The following SSX5 variants were observed in gnomAD, a reference collection of about 807,000 sequenced individuals.
SSX5 encodes protein SSX5.
SSX5 carries 14 observed loss-of-function variants against 14.9 expected under a neutral mutation model. The observed-to-expected ratio is 0.94, with a 90% CI of 0.62 to 1.47. The LOEUF is 1.47. Among genes scored for constraint, SSX5 ranks in the 40% most tolerant of loss-of-function variants. The pLI, the probability that SSX5 is intolerant of heterozygous loss-of-function variation, is 0.00. For synonymous variants in SSX5, 70 were observed against 55.4 expected (o/e 1.26, Z -1.17); for missense variants, 204 against 154.6 (o/e 1.32, Z -1.70).
chrX:48,191,195 G>A (rs141334456), intron 5 of SSX5, among the ~76,000 whole-genome samples: 3 of 111,147 alleles, frequency 2.7e-5, no homozygotes, highest in Non-Finnish European at 5.7e-5. Context: ...GAGCCACCAC[G>A]CCCAGTCCTT....
At chrX:48,188,886 A>C (rs782241384) in intron 6 of SSX5, among the ~76,000 whole-genome samples, 7 of 112,552 alleles carry the variant, frequency 6.2e-5, no homozygotes, top group South Asian at 3.7e-4. Flanking sequence ...AGTGAACACA[A>C]GAATAAGAAA....
chrX:48,190,345 A>G, intron 5 of SSX5, 77 bp from the exon 6 acceptor site: 2 of 1,073,718 alleles, frequency 1.9e-6, no homozygotes, highest in Non-Finnish European at 2.5e-6. Context: ...AAGAATCTTC[A>G]CATGCATTAC....
At chrX:48,190,300 A>G (rs1439282727) in intron 5 of SSX5, 32 bp from the exon 6 acceptor site, 2 of 1,163,842 alleles carry the variant, frequency 1.7e-6, no homozygotes, top group African/African-American at 3.6e-5. Context: ...GATAAACAGT[A>G]TCAGTGACAT....
In SSX5 at chrX:48,186,515, A is replaced by G. The variant is rs781972255; in HGVS notation, c.*346T>C. The G allele has an allele frequency of 1.0e-4, 38 of 381,587 alleles. No homozygotes were observed. Among genetic ancestry groups the G allele is most frequent in the East Asian group, 1.8e-4 (4 of 22,106 alleles). The allele number at this position is 381,587 out of a possible 1,213,427, so 31.4% of individuals were successfully genotyped here. On this transcript the variant is annotated 3_prime_UTR_variant, in exon 8 of 8. Transcript: ENST00000347757. The stretch of plus-strand genomic sequence containing the variant: ...ACTGCCCTCAGTGGTCACATCTGGG[A>G]AGAGAGGAGGGTAGTGTTGTTCTAT...
intron 6 of SSX5, among the ~76,000 whole-genome samples, chrX:48,188,906 C>T (rs2059409017): frequency 8.9e-6 from 1 of 112,219 alleles, no homozygotes; most frequent in Non-Finnish European, 1.9e-5. Context: ...AGCAAAACTG[C>T]CTTACTGCTT....
intron 5 of SSX5, 56 bp from the exon 6 acceptor site, chrX:48,190,324 T>G (rs2059415210): frequency 1.8e-6 from 2 of 1,118,598 alleles, no homozygotes; most frequent in Non-Finnish European, 2.4e-6. Context: ...TTTAGTGCTT[T>G]AGAGCTTACA....
chrX:48,189,387 T>C (rs183187250), intron 6 of SSX5, among the ~76,000 whole-genome samples: 1 of 42,124 alleles, frequency 2.4e-5, no homozygotes, highest in Non-Finnish European at 5.3e-5. Flanking sequence ...CTAATCGATG[T>C]GGCAAATTTC....
rs112762672 is a variant in SSX5, at chrX:48,187,965, G to A, written c.467-234C>T. Among the ~76,000 whole-genome samples, 981 of 112,070 alleles carry A rather than the reference G, an allele frequency of 8.8e-3. 13 individuals are homozygous for A. The highest frequency in any genetic ancestry group is 0.029 in the African/African-American group (898 of 30,820). ...AAAGTTTTAGCTTCTGGCTCCTTCC[G>A]TTGTCAGGTTTAGATTCCCAACCTC... On this transcript the variant is annotated intron_variant, in intron 6 of 7. Coordinates refer to ENST00000347757, the MANE Select transcript of SSX5 (RefSeq NM_175723.2).
At chrX:48,190,525 A>G (rs2059415894) in intron 5 of SSX5, among the ~76,000 whole-genome samples, 1 of 111,905 alleles carries the variant, frequency 8.9e-6, no homozygotes, top group Non-Finnish European at 1.9e-5. Flanking sequence ...GCAAACAGCA[A>G]ATATCTCCAT....
chrX:48,194,034 G>A, intron 4 of SSX5, 95 bp downstream of exon 4: 2 of 1,066,416 alleles, frequency 1.9e-6, no homozygotes, highest in South Asian at 3.8e-5. Context: ...TGATGTGTAT[G>A]AGGGAACAAA....
At chrX:48,190,101 A>T in intron 6 of SSX5, 32 bp downstream of exon 6, 1 of 1,206,841 alleles carries the variant, frequency 8.3e-7, no homozygotes, top group East Asian at 3.0e-5. Flanking sequence ...GAGAAAAGCC[A>T]GAGTGGTTGT....
At chrX:48,187,194 G>C (rs1270255955) in intron 7 of SSX5, among the ~76,000 whole-genome samples, 1 of 111,742 alleles carries the variant, frequency 8.9e-6, no homozygotes, top group Non-Finnish European at 1.9e-5. Flanking sequence ...AGAGGCTCAC[G>C]CCTGTAGTCA....
intron 1 of SSX5, among the ~76,000 whole-genome samples, 199 bp from the exon 2 acceptor site, chrX:48,195,577 T>C (rs782654105): frequency 8.1e-4 from 90 of 111,369 alleles, no homozygotes; most frequent in African/African-American, 2.8e-3. Context: ...GGAGAAGTAT[T>C]GATTGGGGAT....
intron 1 of SSX5, among the ~76,000 whole-genome samples, chrX:48,196,510 C>T (rs1350345093): frequency 9.2e-6 from 1 of 109,071 alleles, no homozygotes; most frequent in Non-Finnish European, 1.9e-5. Flanking sequence ...TCCAAAACTG[C>T]TGGGATTACA....
At chrX:48,192,995 T>G (rs1162795792) in intron 4 of SSX5, among the ~76,000 whole-genome samples, 9 of 112,167 alleles carry the variant, frequency 8.0e-5, no homozygotes, top group African/African-American at 2.6e-4. Context: ...CCATGTTATC[T>G]CTCCTCACTG....
At chrX:48,192,377 A>T (rs1556924958) in intron 4 of SSX5, 96 bp from the exon 5 acceptor site, 2 of 1,110,644 alleles carry the variant, frequency 1.8e-6, no homozygotes, top group Admixed American at 2.2e-5. Context: ...AGCAGAGGTT[A>T]TGAGTCCACT....
At chrX:48,194,929 G>C in intron 2 of SSX5, 75 bp from the exon 3 acceptor site, 1 of 1,207,817 alleles carries the variant, frequency 8.3e-7, no homozygotes, top group East Asian at 3.0e-5. Flanking sequence ...CGCTTCCTGT[G>C]TGCTGGATCT....
Position 48,186,797 on chromosome X carries a change from T to A in SSX5, c.*64A>T. 1 of 1,198,150 alleles carries A rather than the reference T, an allele frequency of 8.3e-7. No homozygotes were observed. Among genetic ancestry groups the A allele is most frequent in the Non-Finnish European group, 1.1e-6 (1 of 895,204 alleles). ...GACGAGGGATCCGCAGCCATGCCCA[T>A]GTTCGTGAAAGGTCACCACGTTCTG... On this transcript the variant is annotated 3_prime_UTR_variant, in exon 8 of 8. Transcript: ENST00000347757.
chrX:48,187,000 T>C (rs1341478207), intron 7 of SSX5, 144 bp from the exon 8 acceptor site: 57 of 723,018 alleles, frequency 7.9e-5, no homozygotes, highest in African/African-American at 1.5e-4. Context: ...CATGGTTCCT[T>C]GAAGTGAACC....
Sources: gnomAD v4.1 joint callset for allele counts (sites outside exome capture counted in the v4.1 genomes callset) on GRCh38, gnomAD v4.1.1 for gene constraint, MANE v1.5 for transcripts, NCBI Gene and HGNC (gene_info 2026-07-23, HGNC 2026-07-21) for gene names.